The following TAF3 variants were observed in gnomAD, a reference collection of about 807,000 sequenced individuals.
TAF3 encodes the protein TATA-box binding protein associated factor 3, also known as transcription initiation factor TFIID subunit 3.
In TAF3, 7 loss-of-function variants were observed where a neutral mutation model predicts 80.6. The ratio of observed to expected loss-of-function variants is 0.09; its 90% CI spans 0.05 to 0.16. The LOEUF (loss-of-function observed/expected upper bound fraction) is 0.16, where lower values mean the gene tolerates loss of function less well. TAF3 is among the 10% of genes least tolerant of loss of function. TAF3 has a pLI of 1.00. For missense variants in TAF3, 921 were observed against 1,140.2 expected, an observed-to-expected ratio of 0.81 and a Z score of 2.77; for synonymous variants, 444 against 446.1, an observed-to-expected ratio of 1.00 and a Z score of 0.06.
intron 2 of TAF3, among the ~76,000 whole-genome samples, chr10:7,906,382 G>T (rs573200366): frequency 3.5e-4 from 53 of 152,310 alleles, no homozygotes; most frequent in Admixed American, 6.5e-4. Flanking sequence ...TCAGAAACAG[G>T]TGGTAACTAC....
intron 2 of TAF3, among the ~76,000 whole-genome samples, chr10:7,949,701 CAA>C (rs1023886310): frequency 5.3e-5 from 8 of 152,168 alleles, no homozygotes; most frequent in African/African-American, 1.9e-4. Context: ...TAAAAACAAA[CAA>C]ACAAAACCAA....
intron 2 of TAF3, among the ~76,000 whole-genome samples, chr10:7,835,684 G>A (rs995838195): frequency 2.6e-5 from 4 of 152,130 alleles, no homozygotes; most frequent in East Asian, 1.9e-4. Context: ...AGCCTCAGCC[G>A]CTCTTCTCGG....
In TAF3 at chr10:7,994,977, GAAAAAAA is replaced by G. The variant is rs71287400; in HGVS notation, c.2316-14089_2316-14083del. ...AGAGCAAGACTCCGTCTCAAAAAAA[GAAAAAAA>G]AAAAAAAAAAAGAAAAAAGAAATCC... On this transcript the variant is annotated intron_variant, in intron 4 of 6. Coordinates refer to ENST00000344293, the MANE Select transcript of TAF3 (RefSeq NM_031923.4). Among the ~76,000 whole-genome samples, 86 of 97,662 alleles carry G rather than the reference GAAAAAAA, an allele frequency of 8.8e-4. No individual in the cohort carries two copies. In the Middle Eastern group the frequency reaches 0.021, roughly 24 times the overall value. 64.1% of individuals were successfully genotyped at this position (97,662 alleles called of 152,430 possible).
chr10:7,922,581 G>T (rs1837773393), intron 2 of TAF3, among the ~76,000 whole-genome samples: 1 of 152,064 alleles, frequency 6.6e-6, no homozygotes, highest in Non-Finnish European at 1.5e-5. Context: ...AGCATGACAT[G>T]TTGAGATGAC....
chr10:7,986,475 ACTAT>A (rs1194813997), intron 4 of TAF3, among the ~76,000 whole-genome samples: 3 of 152,174 alleles, frequency 2.0e-5, no homozygotes, highest in Non-Finnish European at 4.4e-5. Flanking sequence ...GGAGGCAAAA[ACTAT>A]CTAATAGAAT....
At chr10:7,923,868 T>C (rs1398650142) in intron 2 of TAF3, among the ~76,000 whole-genome samples, 1 of 152,172 alleles carries the variant, frequency 6.6e-6, no homozygotes, top group Non-Finnish European at 1.5e-5. Context: ...TCTTAAGAAA[T>C]TTGTATAAAG....
chr10:7,859,078 C>T (rs1027438626), intron 2 of TAF3, among the ~76,000 whole-genome samples: 5 of 151,972 alleles, frequency 3.3e-5, no homozygotes, highest in African/African-American at 1.2e-4. Context: ...CTGGCTAACA[C>T]GGTGAAACCC....
At chr10:7,912,209 TAACTA>T (rs1837663029) in intron 2 of TAF3, among the ~76,000 whole-genome samples, 2 of 152,198 alleles carry the variant, frequency 1.3e-5, no homozygotes, top group African/African-American at 2.4e-5. Flanking sequence ...CCGTCTGTGT[TAACTA>T]AACCAAATAC....
intron 2 of TAF3, among the ~76,000 whole-genome samples, chr10:7,879,147 GT>G (rs1009665651): frequency 3.9e-5 from 6 of 152,000 alleles, no homozygotes; most frequent in African/African-American, 1.4e-4. Context: ...ATGTTTAGAG[GT>G]TTTTTTGAAG....
chr10:7,936,354 T>A (rs1339384732), intron 2 of TAF3, among the ~76,000 whole-genome samples: 1 of 152,148 alleles, frequency 6.6e-6, no homozygotes, highest in Non-Finnish European at 1.5e-5. Flanking sequence ...AGCTTCTAGT[T>A]GGGGAGATAA....
At chr10:7,982,326 G>C (rs1214610477) in intron 4 of TAF3, among the ~76,000 whole-genome samples, 2 of 152,112 alleles carry the variant, frequency 1.3e-5, no homozygotes, top group African/African-American at 4.8e-5. Flanking sequence ...ATGATTGTAG[G>C]TCAAATATGA....
chr10:7,818,956 C>G, intron 1 of TAF3, 81 bp downstream of exon 1: 1 of 1,291,716 alleles, frequency 7.7e-7, no homozygotes, highest in Non-Finnish European at 9.9e-7. Context: ...CTCCGCGTCC[C>G]CGGGGTGTGC....
At chr10:8,012,113 G>A (rs544086059) in intron 5 of TAF3, among the ~76,000 whole-genome samples, 25 of 152,266 alleles carry the variant, frequency 1.6e-4, no homozygotes, top group African/African-American at 5.8e-4. Flanking sequence ...CCGAGGTCAA[G>A]GCTACAGTGA....
At chr10:7,853,309 C>T (rs1837047104) in intron 2 of TAF3, among the ~76,000 whole-genome samples, 2 of 152,150 alleles carry the variant, frequency 1.3e-5, no homozygotes, top group Admixed American at 1.3e-4. Context: ...CTCTGAACAC[C>T]TCCCAACTCC....
At chr10:7,967,546 A>G (rs2131414673) in intron 3 of TAF3, among the ~76,000 whole-genome samples, 1 of 152,358 alleles carries the variant, frequency 6.6e-6, no homozygotes, top group East Asian at 1.9e-4. Flanking sequence ...TGGAGCAGGT[A>G]CATGGCAAAA....
At chr10:7,860,438 A>G (rs1214855545) in intron 2 of TAF3, among the ~76,000 whole-genome samples, 1 of 152,190 alleles carries the variant, frequency 6.6e-6, no homozygotes, top group Non-Finnish European at 1.5e-5. Context: ...TCTTTCCTCC[A>G]AAAGTAACCC....
chr10:7,899,603 CTG>C (rs1837539370), intron 2 of TAF3, among the ~76,000 whole-genome samples: 1 of 152,194 alleles, frequency 6.6e-6, no homozygotes, highest in Admixed American at 6.5e-5. Context: ...TTAAGACAGT[CTG>C]TGCTCAGGAA....
chr10:7,888,349 G>A (rs994888613), intron 2 of TAF3, among the ~76,000 whole-genome samples: 4 of 152,028 alleles, frequency 2.6e-5, no homozygotes, highest in African/African-American at 9.7e-5. Flanking sequence ...TTGAGACAGT[G>A]GAGAAAGTGT....
chr10:7,954,990 C>T (rs138941446), intron 2 of TAF3, among the ~76,000 whole-genome samples: 1,614 of 150,914 alleles, frequency 0.011, 3 homozygotes, highest in Middle Eastern at 0.031. Context: ...ATTTAGAGTG[C>T]ACTCCATAGG....
Sources: gnomAD v4.1 joint callset for allele counts (sites outside exome capture counted in the v4.1 genomes callset) on GRCh38, gnomAD v4.1.1 for gene constraint, MANE v1.5 for transcripts, NCBI Gene and HGNC (gene_info 2026-07-23, HGNC 2026-07-21) for gene names.